Variants in NEK7 observed in about 807,000 individuals in gnomAD.
The protein encoded by NEK7 is serine/threonine-protein kinase Nek7.
Under a neutral mutation model 44.6 loss-of-function variants are expected in NEK7, and 18 were observed. The observed-to-expected ratio is 0.40, with a 90% CI of 0.28 to 0.60. The LOEUF (loss-of-function observed/expected upper bound fraction) is 0.60. Among genes scored for constraint, NEK7 ranks in the 20% least tolerant of loss-of-function variants. The pLI, the probability that NEK7 is intolerant of heterozygous loss-of-function variation, is 0.38. For missense variants in NEK7, 256 were observed against 366.5 expected, an observed-to-expected ratio of 0.70 and a Z score of 2.46; for synonymous variants, 130 against 121.1, an observed-to-expected ratio of 1.07 and a Z score of -0.48.
chr1:198,311,368 T>G (rs943996526), intron 9 of NEK7, among the ~76,000 whole-genome samples: 14 of 152,162 alleles, frequency 9.2e-5, no homozygotes, highest in Non-Finnish European at 1.8e-4. Context: ...AGATATACAA[T>G]CATGTCATCT....
intron 1 of NEK7, among the ~76,000 whole-genome samples, chr1:198,197,305 T>C (rs1219864108): frequency 6.6e-6 from 1 of 152,210 alleles, no homozygotes; most frequent in African/African-American, 2.4e-5. Flanking sequence ...ACTATGTAGA[T>C]ACAGTGACAA....
At chr1:198,251,990 C>G (rs552478675) in intron 2 of NEK7, among the ~76,000 whole-genome samples, 1 of 152,016 alleles carries the variant, frequency 6.6e-6, no homozygotes, top group East Asian at 1.9e-4. Flanking sequence ...TGGATCTTTC[C>G]TGGTTTCTCT....
rs1293584896 is a variant in NEK7 at position 198,320,869 on chromosome 1, TG to T, written c.*1349del. 4 of 152,368 alleles carry T rather than the reference TG, an allele frequency of 2.6e-5. No homozygotes were observed. Among genetic ancestry groups the T allele is most frequent in the African/African-American group, 9.6e-5 (4 of 41,580 alleles). 9.4% of individuals were successfully genotyped at this position (152,368 alleles called of 1,614,324 possible). A position where few individuals can be genotyped will look rare whatever the true frequency, so the allele number is the denominator to read the frequency against. On this transcript the variant is annotated 3_prime_UTR_variant, in exon 10 of 10. Transcript: ENST00000367385. ...TATTTGTTCATGAAGATGACTGAGA[TG>T]GTAACACTTCGTGTAGCTTAAGGAA...
At chr1:198,232,667 C>CTA (rs560933540) in intron 2 of NEK7, 30 bp downstream of exon 2, 37 of 1,326,486 alleles carry the variant, frequency 2.8e-5, no homozygotes, top group Non-Finnish European at 3.8e-5. Context: ...ATGGGCAGAA[C>CTA]TATATATAAT....
At chr1:198,310,440 T>C (rs60071751) in intron 9 of NEK7, among the ~76,000 whole-genome samples, 1 of 148,440 alleles carries the variant, frequency 6.7e-6, no homozygotes, top group African/African-American at 2.5e-5. Flanking sequence ...AGAAGCTCTT[T>C]AGTTTAATTA....
chr1:198,187,422 G>A (rs1318045904), intron 1 of NEK7, among the ~76,000 whole-genome samples: 1 of 152,154 alleles, frequency 6.6e-6, no homozygotes, highest in Non-Finnish European at 1.5e-5. Flanking sequence ...CCATTGCCAA[G>A]GGAGAAAGGC....
At chr1:198,279,880 T>C (rs1411128634) in intron 7 of NEK7, among the ~76,000 whole-genome samples, 1 of 151,984 alleles carries the variant, frequency 6.6e-6, no homozygotes, top group Non-Finnish European at 1.5e-5. Context: ...TGTCATCGAA[T>C]TTTTCTATAT....
At chr1:198,301,812 G>A (rs886760949) in intron 9 of NEK7, among the ~76,000 whole-genome samples, 2 of 152,204 alleles carry the variant, frequency 1.3e-5, no homozygotes, top group Admixed American at 1.3e-4. Context: ...TTTTAATAAA[G>A]TAGACTATTA....
At chr1:198,245,230 A>G in intron 2 of NEK7, 1 of 169,398 alleles carries the variant, frequency 5.9e-6, no homozygotes, top group Middle Eastern at 5.2e-4. Flanking sequence ...TTGCTGTCTC[A>G]TGGAAGGGAG....
At chr1:198,217,976 G>T (rs1665972912) in intron 1 of NEK7, among the ~76,000 whole-genome samples, 2 of 151,794 alleles carry the variant, frequency 1.3e-5, no homozygotes, top group Admixed American at 6.6e-5. Flanking sequence ...GGGATTGAAA[G>T]AATCAATATT....
Position 198,262,628 on chromosome 1 carries a change from T to C in NEK7, c.252T>C (p.Asp84=), listed in dbSNP as rs1446339507. The C allele has an allele frequency of 6.3e-7, 1 of 1,583,612 alleles. No individual in the cohort carries two copies. ...GTGCTGATTGCATCAAAGAAATAGATCTTCTTAAGGTAATTAATGAACTGT... is the reference window on the plus strand; with the variant it reads ...GTGCTGATTGCATCAAAGAAATAGACCTTCTTAAGGTAATTAATGAACTGT... The part of the protein sequence containing the change: ...KARADCIKEI[D]LLKQLNHPNV... Residue 84 remains aspartate, a synonymous_variant, in exon 4 of 10, where the codon GAT becomes GAC. Transcript: ENST00000367385.
intron 1 of NEK7, chr1:198,206,905 T>C (rs1049755927): frequency 2.0e-5 from 3 of 152,194 alleles, no homozygotes; most frequent in Non-Finnish European, 2.9e-5. Context: ...CATAGTGGGC[T>C]TAATTTTCTG....
chr1:198,162,816 G>A (rs1390801026), intron 1 of NEK7, among the ~76,000 whole-genome samples: 2 of 152,046 alleles, frequency 1.3e-5, no homozygotes, highest in Non-Finnish European at 2.9e-5. Context: ...TCTTTGGAGT[G>A]TGGGGAGAGC....
intron 1 of NEK7, among the ~76,000 whole-genome samples, chr1:198,203,051 G>A (rs748410355): frequency 1.3e-5 from 2 of 151,124 alleles, no homozygotes; most frequent in Non-Finnish European, 3.0e-5. Context: ...ATACTATGAC[G>A]TTTTCATGAG....
At position 198,277,367 on chromosome 1, in the gene NEK7, T is replaced by C. The variant is rs534392087; in HGVS notation, c.373-594T>C. Among the ~76,000 whole-genome samples, 4 of 151,970 alleles carry C rather than the reference T, an allele frequency of 2.6e-5. No homozygotes were observed. The South Asian group carries it at 8.3e-4, about 31-fold the overall frequency. On this transcript the variant is annotated intron_variant, in intron 5 of 9. Coordinates refer to ENST00000367385, the MANE Select transcript of NEK7 (RefSeq NM_133494.3). Reference sequence around the variant, plus strand: ...CTATTGGTGCTGTCAGCTTTTTGCCTGGGCATTCCTGTAAGGTTTTTCTTC... The same window carrying C: ...CTATTGGTGCTGTCAGCTTTTTGCCCGGGCATTCCTGTAAGGTTTTTCTTC...
chr1:198,316,080 C>T (rs1339625156), intron 9 of NEK7, among the ~76,000 whole-genome samples: 1 of 152,116 alleles, frequency 6.6e-6, no homozygotes, highest in Non-Finnish European at 1.5e-5. Context: ...CCAAAAGAAA[C>T]TAGGAAGAAA....
intron 1 of NEK7, among the ~76,000 whole-genome samples, chr1:198,211,341 A>G (rs1228628700): frequency 1.3e-5 from 2 of 152,228 alleles, no homozygotes; most frequent in African/African-American, 4.8e-5. Flanking sequence ...GAAGAATACT[A>G]CAGTTATCAT....
intron 9 of NEK7, among the ~76,000 whole-genome samples, chr1:198,314,338 A>AT (rs1420919634): frequency 1.3e-5 from 2 of 151,936 alleles, no homozygotes; most frequent in Non-Finnish European, 2.9e-5. Flanking sequence ...ATTCTTCTAA[A>AT]TTTTTTTCAA....
intron 9 of NEK7, among the ~76,000 whole-genome samples, chr1:198,302,668 T>C (rs1466728891): frequency 6.6e-6 from 1 of 152,198 alleles, no homozygotes; most frequent in African/African-American, 2.4e-5. Context: ...TTGGAGAGTA[T>C]AACATATTTA....
Sources: gnomAD v4.1 joint callset for allele counts (sites outside exome capture counted in the v4.1 genomes callset) on GRCh38, gnomAD v4.1.1 for gene constraint, MANE v1.5 for transcripts, NCBI Gene and HGNC (gene_info 2026-07-23, HGNC 2026-07-21) for gene names.